SH3RF1: variants seen among roughly 807,000 people sequenced by gnomAD.
SH3RF1 encodes the protein E3 ubiquitin-protein ligase SH3RF1.
SH3RF1 carries 32 observed loss-of-function variants against 74.0 expected under a neutral mutation model. That is an observed-to-expected ratio of 0.43 (90% confidence interval 0.33 to 0.58). The LOEUF (loss-of-function observed/expected upper bound fraction) is 0.58. Among genes scored for constraint, SH3RF1 ranks in the 20% least tolerant of loss-of-function variants. SH3RF1 has a pLI of 0.05. For missense variants in SH3RF1, 954 were observed against 1,130.9 expected (o/e 0.84, Z 2.24); for synonymous variants, 396 against 439.6 (o/e 0.90, Z 1.24).
At chr4:169,109,056 A>G (rs1490696845) in intron 10 of SH3RF1, among the ~76,000 whole-genome samples, 1 of 152,198 alleles carries the variant, frequency 6.6e-6, no homozygotes, top group African/African-American at 2.4e-5. Flanking sequence ...CTCTGTACTT[A>G]TTGTAGACAG....
At chr4:169,268,774 G>A (rs1275623242) in intron 2 of SH3RF1, 46 bp downstream of exon 2, 2 of 1,511,958 alleles carry the variant, frequency 1.3e-6, no homozygotes, top group Non-Finnish European at 1.8e-6. Context: ...AAAAAATGTG[G>A]ACATTACCAC....
At chr4:169,161,135 TA>T in intron 2 of SH3RF1, among the ~76,000 whole-genome samples, 1 of 152,282 alleles carries the variant, frequency 6.6e-6, no homozygotes, top group East Asian at 1.9e-4. Flanking sequence ...AAGGGATGCT[TA>T]AAAGGAGAGA....
At chr4:169,202,294 T>C (rs1485916820) in intron 2 of SH3RF1, among the ~76,000 whole-genome samples, 1 of 152,186 alleles carries the variant, frequency 6.6e-6, no homozygotes, top group African/African-American at 2.4e-5. Context: ...AATGTTTACC[T>C]CCCTCCGTAG....
intron 10 of SH3RF1, 33 bp downstream of exon 10, chr4:169,116,236 A>C (rs761062176): frequency 6.4e-7 from 1 of 1,554,090 alleles, no homozygotes; most frequent in African/African-American, 1.4e-5. Flanking sequence ...GAAGTAAGTA[A>C]AGCAGAGAAA....
rs755361208 is a variant in SH3RF1, at chr4:169,106,950, C to G, written c.2395G>C (p.Ala799Pro). ...ALAQDAFHRK[A>P]SSLDSAVPIA... ...GGAACTGCGGAGTCCAGGGAACTTG[C>G]CTTCCTATGAAAAGCATCCTGGGCC... Residue 799 changes from alanine to proline, a missense_variant, in exon 11 of 12, where the codon GCA becomes CCA. Transcript: ENST00000284637. 5 of 1,613,892 alleles carry G rather than the reference C, an allele frequency of 3.1e-6. No homozygotes were observed. The highest frequency in any genetic ancestry group is 4.2e-6 in the Non-Finnish European group (5 of 1,180,022).
intron 2 of SH3RF1, among the ~76,000 whole-genome samples, chr4:169,244,262 T>C (rs1730958894): frequency 1.3e-5 from 2 of 152,230 alleles, no homozygotes. Flanking sequence ...CAAATGTGCA[T>C]GCACCCACCA....
At chr4:169,165,636 G>GT (rs1734225456) in intron 2 of SH3RF1, among the ~76,000 whole-genome samples, 3 of 140,044 alleles carry the variant, frequency 2.1e-5, no homozygotes, top group Admixed American at 2.1e-4. Flanking sequence ...AGAAAAAAAG[G>GT]CGGGGGGGGG....
intron 11 of SH3RF1, among the ~76,000 whole-genome samples, chr4:169,100,360 A>T (rs1732999283): frequency 6.6e-6 from 1 of 151,748 alleles, no homozygotes; most frequent in Non-Finnish European, 1.5e-5. Context: ...TTTTTTTTTA[A>T]GACTGAGTTT....
At chr4:169,107,232 G>A in intron 10 of SH3RF1, 27 bp from the exon 11 acceptor site, 1 of 1,511,606 alleles carries the variant, frequency 6.6e-7, no homozygotes, top group Non-Finnish European at 8.9e-7. Flanking sequence ...ATGAGCCTTA[G>A]TTGGAGAATG....
intron 2 of SH3RF1, among the ~76,000 whole-genome samples, chr4:169,259,283 A>G (rs543429594): frequency 6.6e-6 from 1 of 152,180 alleles, no homozygotes; most frequent in Non-Finnish European, 1.5e-5. Context: ...ACGTAACTTA[A>G]AAATTCATTT....
intron 10 of SH3RF1, 112 bp from the exon 11 acceptor site, chr4:169,107,317 G>C (rs1733163027): frequency 2.0e-6 from 2 of 993,964 alleles, no homozygotes; most frequent in East Asian, 5.3e-5. Flanking sequence ...TTTAATTTTT[G>C]TGGGTCCATA....
At chr4:169,163,412 C>T (rs1424558665) in intron 2 of SH3RF1, among the ~76,000 whole-genome samples, 1 of 152,112 alleles carries the variant, frequency 6.6e-6, no homozygotes, top group African/African-American at 2.4e-5. Flanking sequence ...AGGCAGCACT[C>T]AGGAGCATGT....
chr4:169,144,962 C>T (rs75827752), intron 4 of SH3RF1, among the ~76,000 whole-genome samples: 2,665 of 152,212 alleles, frequency 0.018, 42 homozygotes, highest in Non-Finnish European at 0.028. Flanking sequence ...TCAGAATCCA[C>T]AAGAAGACCT....
In SH3RF1 at chr4:169,226,514, A is replaced by G. The variant is rs1730655102; in HGVS notation, c.393+42306T>C. ...AGAAAAAAAAAAAAGAGCAAGAAAG[A>G]TCAGAATACATAAACTAAGTAATTA... On this transcript the variant is annotated intron_variant, in intron 2 of 11. Coordinates refer to ENST00000284637, the MANE Select transcript of SH3RF1 (RefSeq NM_020870.4). Among the ~76,000 whole-genome samples the G allele has an allele frequency of 7.2e-5, 11 of 152,088 alleles. No individual in the cohort carries two copies. The South Asian group carries it at 2.3e-3, about 32-fold the overall frequency.
intron 11 of SH3RF1, among the ~76,000 whole-genome samples, chr4:169,098,579 C>T (rs10471158): frequency 0.19 from 29,589 of 152,174 alleles, 3,201 homozygotes; most frequent in African/African-American, 0.29. Flanking sequence ...CAAATTACTA[C>T]CCAAGATCTG....
intron 4 of SH3RF1, among the ~76,000 whole-genome samples, chr4:169,140,549 G>T (rs909161599): frequency 6.6e-6 from 1 of 152,122 alleles, no homozygotes; most frequent in Admixed American, 6.6e-5. Flanking sequence ...AATGTAGAAA[G>T]AATGTGTTTT....
chr4:169,239,842 G>A (rs943228121), intron 2 of SH3RF1, among the ~76,000 whole-genome samples: 3 of 152,088 alleles, frequency 2.0e-5, no homozygotes, highest in African/African-American at 7.2e-5. Flanking sequence ...ACAACATGGT[G>A]AAACCCCGTC....
chr4:169,257,179 C>G (rs1384213630), intron 2 of SH3RF1, among the ~76,000 whole-genome samples: 1 of 152,146 alleles, frequency 6.6e-6, no homozygotes, highest in Non-Finnish European at 1.5e-5. Context: ...TTTCCTATTA[C>G]CAGACACTTT....
chr4:169,118,835 A>G (rs1733387956), intron 8 of SH3RF1, among the ~76,000 whole-genome samples: 2 of 152,154 alleles, frequency 1.3e-5, no homozygotes, highest in Admixed American at 6.5e-5. Flanking sequence ...CCAGTGTGAA[A>G]TAACTCTCCT....
Sources: allele counts gnomAD v4.1 joint callset (sites outside exome capture counted in the v4.1 genomes callset), GRCh38; gene constraint gnomAD v4.1.1; transcripts MANE v1.5; gene names NCBI Gene and HGNC (gene_info 2026-07-23, HGNC 2026-07-21).